Variants in TLK2 observed in about 807,000 individuals in gnomAD.
TLK2 encodes serine/threonine-protein kinase tousled-like 2.
In TLK2, 6 loss-of-function variants were observed where a neutral mutation model predicts 117.3. That is an observed-to-expected ratio of 0.05 (90% confidence interval 0.03 to 0.10). TLK2 has a LOEUF of 0.10. Among genes scored for constraint, TLK2 ranks in the 10% least tolerant of loss-of-function variants. TLK2 has a pLI of 1.00. For missense variants in TLK2, 299 were observed against 901.2 expected, an observed-to-expected ratio of 0.33 and a Z score of 8.56; for synonymous variants, 257 against 316.7, an observed-to-expected ratio of 0.81 and a Z score of 2.00.
intron 7 of TLK2, among the ~76,000 whole-genome samples, chr17:62,540,029 TCTCCTCCTC>T (rs528918370): frequency 1.3e-5 from 2 of 150,954 alleles, no homozygotes; most frequent in Admixed American, 6.6e-5. Flanking sequence ...CAGCTGCCTT[TCTCCTCCTC>T]CTCCTCCTCC....
chr17:62,545,710 G>C (rs1386194636), intron 7 of TLK2, among the ~76,000 whole-genome samples: 1 of 152,018 alleles, frequency 6.6e-6, no homozygotes, highest in African/African-American at 2.4e-5. Flanking sequence ...TGTTGTTGTT[G>C]TTGTTTAAAG....
chr17:62,541,233 T>C (rs2077509846), intron 7 of TLK2, among the ~76,000 whole-genome samples: 1 of 152,182 alleles, frequency 6.6e-6, no homozygotes, highest in Non-Finnish European at 1.5e-5. Flanking sequence ...CTACACCAGC[T>C]GACGTACTAT....
At chr17:62,476,360 G>A (rs2071044571), upstream of TLK2, among the ~76,000 whole-genome samples, 1 of 150,570 alleles carries the variant, frequency 6.6e-6, no homozygotes, top group Admixed American at 6.6e-5. Flanking sequence ...GAGGTGGGCG[G>A]ATCACGAGGT....
intron 4 of TLK2, 95 bp downstream of exon 4, chr17:62,522,368 A>T: frequency 7.5e-7 from 1 of 1,335,480 alleles, no homozygotes; most frequent in South Asian, 1.4e-5. Context: ...GTACACAGGG[A>T]TTCCTGATAA....
intron 6 of TLK2, among the ~76,000 whole-genome samples, chr17:62,532,747 A>G (rs2076829718): frequency 6.6e-6 from 1 of 152,192 alleles, no homozygotes; most frequent in African/African-American, 2.4e-5. Context: ...TTATTTAACC[A>G]GTATCTTGTA....
chr17:62,589,563 G>A (rs1201429912), intron 16 of TLK2, among the ~76,000 whole-genome samples: 5 of 152,154 alleles, frequency 3.3e-5, no homozygotes, highest in Admixed American at 3.3e-4. Flanking sequence ...CACAGGTTCA[G>A]CGACACTCTG....
rs1398623093 is a variant in TLK2, at chr17:62,503,452, C to T, written c.82-17321C>T. ...TTTTTTTTTGAGACAGGGTCTCACTCTGTCACTTAGGCTGGAGTGCTGTTG... is the reference window on the plus strand; with the variant it reads ...TTTTTTTTTGAGACAGGGTCTCACTTTGTCACTTAGGCTGGAGTGCTGTTG... On this transcript the variant is annotated intron_variant, in intron 2 of 21. Transcript: ENST00000346027. Among the ~76,000 whole-genome samples, 9 of 137,288 alleles carry T rather than the reference C, an allele frequency of 6.6e-5. No homozygotes were observed. The Admixed American group carries it at 7.1e-4, about 11-fold the overall frequency. The allele number at this position is 137,288 out of a possible 152,430, so 90.1% of individuals were successfully genotyped here.
At chr17:62,595,775 T>C (rs1423914470) in intron 16 of TLK2, among the ~76,000 whole-genome samples, 2 of 152,166 alleles carry the variant, frequency 1.3e-5, no homozygotes, top group Non-Finnish European at 2.9e-5. Context: ...ATTGTTTTTG[T>C]AAGAAGGATT....
chr17:62,511,137 A>G (rs115020769), intron 2 of TLK2, among the ~76,000 whole-genome samples: 1,887 of 152,280 alleles, frequency 0.012, 32 homozygotes, highest in African/African-American at 0.043. Context: ...CAAGTTATAC[A>G]TGAATCATTT....
chr17:62,486,302 C>T (rs924319914), intron 2 of TLK2, among the ~76,000 whole-genome samples: 3 of 151,874 alleles, frequency 2.0e-5, no homozygotes, highest in African/African-American at 7.3e-5. Flanking sequence ...GGACTACAGG[C>T]GTGTGCCACT....
intron 21 of TLK2, among the ~76,000 whole-genome samples, chr17:62,608,543 T>C (rs2083480913): frequency 6.6e-6 from 1 of 152,192 alleles, no homozygotes; most frequent in South Asian, 2.1e-4. Context: ...ATAAGAGTAC[T>C]AAGGCATTTG....
At chr17:62,515,513 T>C (rs1279724964) in intron 2 of TLK2, among the ~76,000 whole-genome samples, 1 of 152,222 alleles carries the variant, frequency 6.6e-6, no homozygotes, top group Non-Finnish European at 1.5e-5. Context: ...GTTTTTTGTT[T>C]TCTTGGTAGT....
intron 2 of TLK2, among the ~76,000 whole-genome samples, chr17:62,501,775 T>C (rs2074218701): frequency 6.6e-6 from 1 of 151,864 alleles, no homozygotes; most frequent in African/African-American, 2.4e-5. Flanking sequence ...GCCTGGGCAA[T>C]ATAGCGAGAC....
chr17:62,600,958 G>T (rs1276907465), intron 18 of TLK2, 138 bp downstream of exon 18: 2 of 886,002 alleles, frequency 2.3e-6, no homozygotes, highest in Admixed American at 6.3e-5. Flanking sequence ...CTGGGTAGGT[G>T]TGGGAAAAAA....
At chr17:62,524,601 G>C (rs1294730109) in intron 6 of TLK2, among the ~76,000 whole-genome samples, 1 of 152,060 alleles carries the variant, frequency 6.6e-6, no homozygotes, top group African/African-American at 2.4e-5. Context: ...GATTCCAATC[G>C]AAACATTAGG....
intron 6 of TLK2, among the ~76,000 whole-genome samples, chr17:62,532,838 C>G (rs2076837402): frequency 6.6e-6 from 1 of 151,912 alleles, no homozygotes; most frequent in Non-Finnish European, 1.5e-5. Context: ...TAGATAAATC[C>G]CCTAATAGTA....
chr17:62,612,101 G>A, intron 21 of TLK2: 1 of 240,174 alleles, frequency 4.2e-6, no homozygotes, highest in African/African-American at 2.2e-5. Flanking sequence ...TGGTCTTAGT[G>A]CTTTGGGGGC....
At chr17:62,579,922 A>G (rs771451480) in intron 14 of TLK2, among the ~76,000 whole-genome samples, 189 bp from the exon 15 acceptor site, 3 of 152,218 alleles carry the variant, frequency 2.0e-5, no homozygotes, top group Non-Finnish European at 2.9e-5. Flanking sequence ...GGTGCTGTTC[A>G]TTGTAATTAC....
At chr17:62,574,290 T>G in intron 12 of TLK2, 2 of 1,532,668 alleles carry the variant, frequency 1.3e-6, no homozygotes, top group South Asian at 1.2e-5. Flanking sequence ...TTTTGGGAAG[T>G]CTCTTCCTTG....
Sources: gnomAD v4.1 joint callset for allele counts (sites outside exome capture counted in the v4.1 genomes callset) on GRCh38, gnomAD v4.1.1 for gene constraint, MANE v1.5 for transcripts, NCBI Gene and HGNC (gene_info 2026-07-23, HGNC 2026-07-21) for gene names.